The following TANC2 variants were observed in gnomAD, a reference collection of about 807,000 sequenced individuals.
TANC2 encodes the protein protein TANC2.
A neutral mutation model predicts 210.5 loss-of-function variants in TANC2; 26 were observed. The observed-to-expected ratio is 0.12, with a 90% CI of 0.09 to 0.17. The LOEUF (loss-of-function observed/expected upper bound fraction) is 0.17. Ranked by LOEUF, TANC2 falls within the 10% of genes least tolerant of loss-of-function variation. The probability of loss-of-function intolerance (pLI) is 1.00; values close to 1 mark genes in which losing one functional copy is unlikely to be tolerated. For synonymous variants in TANC2, 931 were observed against 967.1 expected (o/e 0.96, Z 0.69); for missense variants, 2,129 against 2,608.9 (o/e 0.82, Z 4.01).
intron 5 of TANC2, among the ~76,000 whole-genome samples, chr17:63,175,799 C>A (rs903846396): frequency 6.6e-6 from 1 of 151,908 alleles, no homozygotes; most frequent in Admixed American, 6.6e-5. Context: ...ATAAATAAAC[C>A]CTTACTACTA....
chr17:63,023,466 A>G lies in TANC2; in HGVS notation c.67+13840A>G, dbSNP rs187117343. Among the ~76,000 whole-genome samples the G allele has an allele frequency of 3.7e-3, 566 of 152,290 alleles. 4 individuals carry two copies. The highest frequency in any genetic ancestry group is 6.0e-3 in the Non-Finnish European group (408 of 68,010). On this transcript the variant is annotated intron_variant, in intron 2 of 27. Coordinates refer to ENST00000689528, the Ensembl canonical transcript of TANC2. ...AACAATTCTTGCACTTCAGCCTCCCACGTAGCTGAGACTACAGGAATATGC... is the reference window on the plus strand; with the variant it reads ...AACAATTCTTGCACTTCAGCCTCCCGCGTAGCTGAGACTACAGGAATATGC...
intron 12 of TANC2, among the ~76,000 whole-genome samples, chr17:63,343,975 A>G (rs190191792): frequency 6.6e-6 from 1 of 152,348 alleles, no homozygotes. Context: ...TCGTTTCAAT[A>G]AATGTACAAA....
At chr17:63,343,388 T>C (rs2046302268) in intron 12 of TANC2, among the ~76,000 whole-genome samples, 1 of 152,216 alleles carries the variant, frequency 6.6e-6, no homozygotes, top group African/African-American at 2.4e-5. Context: ...ATCAGGAACA[T>C]GTATTAGATG....
At chr17:63,295,557 G>A (rs993105241) in intron 9 of TANC2, among the ~76,000 whole-genome samples, 2 of 152,130 alleles carry the variant, frequency 1.3e-5, no homozygotes, top group African/African-American at 4.8e-5. Flanking sequence ...TCTCCACTCT[G>A]GAAAGGTCAT....
intron 3 of TANC2, among the ~76,000 whole-genome samples, chr17:63,076,886 G>A (rs1000459792): frequency 3.9e-5 from 6 of 152,104 alleles, no homozygotes; most frequent in Admixed American, 6.6e-5. Flanking sequence ...AAACGAAGGA[G>A]GAGTGTTAAG....
chr17:63,269,072 G>A (rs2043617714), intron 9 of TANC2, among the ~76,000 whole-genome samples: 1 of 152,124 alleles, frequency 6.6e-6, no homozygotes, highest in Non-Finnish European at 1.5e-5. Context: ...CCCATGGGAA[G>A]GAATTTATAC....
intron 1 of TANC2, among the ~76,000 whole-genome samples, chr17:63,003,727 A>G (rs926704712): frequency 6.6e-5 from 10 of 152,094 alleles, no homozygotes. Flanking sequence ...TTTGTGAATA[A>G]TTTTTCCCAG....
At chr17:62,986,263 C>G (rs1008689675) in intron 1 of TANC2, among the ~76,000 whole-genome samples, 7 of 152,100 alleles carry the variant, frequency 4.6e-5, no homozygotes, top group African/African-American at 1.7e-4. Context: ...AGTGGGTTGG[C>G]TAACTTGGGG....
At chr17:63,311,533 A>G (rs2045124789) in intron 9 of TANC2, among the ~76,000 whole-genome samples, 1 of 152,202 alleles carries the variant, frequency 6.6e-6, no homozygotes, top group African/African-American at 2.4e-5. Flanking sequence ...GTGAAAATAT[A>G]TTGAATAAGA....
intron 4 of TANC2, among the ~76,000 whole-genome samples, chr17:63,133,175 TA>T (rs1488588553): frequency 6.6e-6 from 1 of 151,738 alleles, no homozygotes; most frequent in Non-Finnish European, 1.5e-5. Context: ...GGTTTCACCA[TA>T]TTGGCCAGGC....
chr17:63,252,418 T>A (rs1295066982), intron 8 of TANC2, among the ~76,000 whole-genome samples: 1 of 152,112 alleles, frequency 6.6e-6, no homozygotes, highest in Admixed American at 6.5e-5. Flanking sequence ...ATATTGTACA[T>A]TTTGTTGTAC....
chr17:63,208,590 A>G (rs1409035345), intron 7 of TANC2, among the ~76,000 whole-genome samples: 3 of 152,224 alleles, frequency 2.0e-5, no homozygotes, highest in Non-Finnish European at 4.4e-5. Context: ...CATTGAAACC[A>G]TAGATCAATG....
chr17:63,132,033 T>C (rs2145226391), intron 4 of TANC2, among the ~76,000 whole-genome samples: 1 of 152,338 alleles, frequency 6.6e-6, no homozygotes, highest in African/African-American at 2.4e-5. Context: ...TTATAAAAAC[T>C]TTGGTTTTAT....
intron 14 of TANC2, among the ~76,000 whole-genome samples, chr17:63,361,331 C>T (rs2046951738): frequency 6.6e-6 from 1 of 152,190 alleles, no homozygotes; most frequent in Admixed American, 6.5e-5. Context: ...GTGCTACTGG[C>T]CCAGATCCCA....
At chr17:62,971,900 G>GC (rs769117649) in intron 1 of TANC2, among the ~76,000 whole-genome samples, 1 of 152,116 alleles carries the variant, frequency 6.6e-6, no homozygotes, top group Non-Finnish European at 1.5e-5. Flanking sequence ...AACCATCTCT[G>GC]CCCCCCTACC....
exon 28 of TANC2, chr17:63,425,870 C>T (rs1422921821): frequency 6.6e-6 from 1 of 152,270 alleles, no homozygotes; most frequent in Admixed American, 6.5e-5. Context: ...CATGAGCCTC[C>T]CTCCTGTCAG....
At chr17:63,035,717 A>C (rs538052987) in intron 2 of TANC2, among the ~76,000 whole-genome samples, 4 of 152,336 alleles carry the variant, frequency 2.6e-5, no homozygotes, top group African/African-American at 9.6e-5. Context: ...TGTAGGGCTG[A>C]TGCCTAAGAA....
intron 8 of TANC2, among the ~76,000 whole-genome samples, chr17:63,242,485 T>C (rs1419290054): frequency 6.6e-6 from 1 of 152,112 alleles, no homozygotes; most frequent in East Asian, 1.9e-4. Flanking sequence ...TCCATGGATA[T>C]GGATGGCCAA....
intron 1 of TANC2, among the ~76,000 whole-genome samples, chr17:62,973,200 T>C (rs1428346435): frequency 3.9e-5 from 6 of 152,110 alleles, no homozygotes. Flanking sequence ...CAGCTAATTT[T>C]GTTATATTTT....
Sources: allele counts gnomAD v4.1 joint callset (sites outside exome capture counted in the v4.1 genomes callset), GRCh38; gene constraint gnomAD v4.1.1; transcripts MANE v1.5; gene names NCBI Gene and HGNC (gene_info 2026-07-23, HGNC 2026-07-21).